Variants in SHTN1 observed in about 807,000 individuals in gnomAD.
SHTN1 encodes the protein shootin-1.
A neutral mutation model predicts 83.1 loss-of-function variants in SHTN1; 42 were observed. The observed-to-expected ratio is 0.51, with a 90% CI of 0.39 to 0.65. The LOEUF (loss-of-function observed/expected upper bound fraction) is 0.65. Among genes scored for constraint, SHTN1 ranks in the 30% least tolerant of loss-of-function variants. The pLI is 0.00. For synonymous variants in SHTN1, 224 were observed against 247.7 expected (o/e 0.90, Z 0.90); for missense variants, 622 against 737.8 (o/e 0.84, Z 1.82).
chr10:116,977,495 A>G (rs1850848025), intron 2 of SHTN1, among the ~76,000 whole-genome samples: 1 of 152,172 alleles, frequency 6.6e-6, no homozygotes, highest in South Asian at 2.1e-4. Flanking sequence ...TATCCAGCCT[A>G]AGCATTACCC....
At chr10:116,900,362 A>C (rs1847688715) in intron 16 of SHTN1, 2 of 619,836 alleles carry the variant, frequency 3.2e-6, no homozygotes, top group Admixed American at 5.6e-5. Flanking sequence ...TATGGCATCT[A>C]ACAACTGTGT....
In SHTN1 at chr10:116,945,189, C is replaced by T. The variant is rs188923464; in HGVS notation, c.617-171G>A. Among the ~76,000 whole-genome samples the T allele has an allele frequency of 7.7e-3, 1,177 of 152,202 alleles. 20 individuals carry two copies. The highest frequency in any genetic ancestry group is 7.4e-3 in the Non-Finnish European group (506 of 68,000). ...ACCTTTTTGGAGAGCAACTTGGCAA[C>T]GTGAATCAAAAATCTAAAACTATTC... On this transcript the variant is annotated intron_variant, in intron 7 of 16. Transcript: ENST00000355371.
upstream of SHTN1, among the ~76,000 whole-genome samples, chr10:117,007,130 G>C (rs1852030515): frequency 6.6e-6 from 1 of 151,956 alleles, no homozygotes; most frequent in African/African-American, 2.4e-5. Flanking sequence ...GTTGCAGATA[G>C]CTGCCATGAA....
rs374308732 is a variant in SHTN1 at position 117,055,921 on chromosome 10, T to A, written c.-188-7411A>T. Among the ~76,000 whole-genome samples the A allele has an allele frequency of 5.3e-5, 8 of 152,274 alleles. No individual in the cohort carries two copies. In the East Asian group the frequency reaches 1.5e-3, roughly 29 times the overall value. On this transcript the variant is annotated intron_variant, in intron 1 of 17. Coordinates refer to the SHTN1 transcript ENST00000392901. ...GGGTAAATTGTATGCTATGTATGTT[T>A]TACTGTAATTTTTTAAGCCAAAAGA...
At position 116,969,771 on chromosome 10, in the gene SHTN1, T is replaced by A. The variant is rs186311757; in HGVS notation, c.112-1059A>T. Among the ~76,000 whole-genome samples the A allele has an allele frequency of 1.1e-4, 17 of 152,276 alleles. No individual in the cohort carries two copies. In the East Asian group the frequency reaches 2.5e-3, roughly 22 times the overall value. The stretch of plus-strand genomic sequence containing the variant: ...CCCTGGAGGCATTAATGAATTTTTT[T>A]AAAAAACCTAATGTTTATTATTATA... On this transcript the variant is annotated intron_variant, in intron 2 of 16. Transcript: ENST00000355371.
At chr10:117,076,203 GATA>G (rs1853151512) in intron 1 of SHTN1, among the ~76,000 whole-genome samples, 4 of 134,986 alleles carry the variant, frequency 3.0e-5, no homozygotes, top group Admixed American at 7.5e-5. Context: ...AAAAAAAAAA[GATA>G]ATGTTAGATA....
chr10:116,954,776 A>G (rs553933457), intron 4 of SHTN1, among the ~76,000 whole-genome samples: 4 of 152,150 alleles, frequency 2.6e-5, no homozygotes, highest in Non-Finnish European at 5.9e-5. Flanking sequence ...GCTGGAACAG[A>G]GCAATGAGTT....
At chr10:116,953,966 G>T in intron 5 of SHTN1, 76 bp downstream of exon 5, 2 of 1,206,546 alleles carry the variant, frequency 1.7e-6, no homozygotes, top group South Asian at 1.6e-5. Context: ...ACATGATTCT[G>T]ATGTGCAGTC....
At chr10:117,044,122 T>C (rs1387250651) in intron 2 of SHTN1, among the ~76,000 whole-genome samples, 2 of 152,100 alleles carry the variant, frequency 1.3e-5, no homozygotes, top group African/African-American at 4.8e-5. Flanking sequence ...CATTCAAGTA[T>C]AGCAATAAAG....
intron 10 of SHTN1, 38 bp downstream of exon 10, chr10:116,929,811 T>C: frequency 6.8e-7 from 1 of 1,478,092 alleles, no homozygotes; most frequent in South Asian, 1.3e-5. Context: ...AATTCAAAGA[T>C]TAATAGTAAG....
At chr10:116,983,654 AGATAGATAGATAGAT>A (rs1289712976) in intron 1 of SHTN1, among the ~76,000 whole-genome samples, 2 of 79,240 alleles carry the variant, frequency 2.5e-5, no homozygotes, top group East Asian at 7.6e-4. Flanking sequence ...ATAGATAGAT[AGATAGATAGATAGAT>A]AGATAGATAG....
chr10:116,946,933 C>A (rs1302078392), intron 7 of SHTN1, among the ~76,000 whole-genome samples: 15 of 151,880 alleles, frequency 9.9e-5, no homozygotes. Flanking sequence ...GTTGGCCAGG[C>A]TGGTCTCAAA....
chr10:116,965,577 C>T (rs1330318235), intron 3 of SHTN1, among the ~76,000 whole-genome samples: 1 of 152,146 alleles, frequency 6.6e-6, no homozygotes, highest in Non-Finnish European at 1.5e-5. Flanking sequence ...AACTCAGCAC[C>T]AAAAGAAACT....
At position 117,085,918 on chromosome 10, in the gene SHTN1, A is replaced by ATTT. The variant is rs35586223; in HGVS notation, c.-188-37411_-188-37409dup. Among the ~76,000 whole-genome samples the ATTT allele has an allele frequency of 4.4e-3, 531 of 121,066 alleles. 19 individuals carry two copies. The highest frequency in any genetic ancestry group is 0.019 in the Middle Eastern group (3 of 162). The allele number at this position is 121,066 out of a possible 152,430, so 79.4% of individuals were successfully genotyped here. On this transcript the variant is annotated intron_variant, in intron 1 of 17. Transcript: ENST00000392901. ...CTTGATCTAAAGTCTGCTTTGTCTG[A>ATTT]TTTTTTTTTTTTTTTTTTTTGAGAC... is the stretch of plus-strand genomic sequence containing the variant.
At chr10:117,113,106 CAAT>C (rs1338439486) in intron 1 of SHTN1, among the ~76,000 whole-genome samples, 2 of 152,120 alleles carry the variant, frequency 1.3e-5, no homozygotes, top group Non-Finnish European at 2.9e-5. Flanking sequence ...TATCTAGAAA[CAAT>C]AATCATTTTC....
At position 116,953,623 on chromosome 10, in the gene SHTN1, G is replaced by GTTTTTTTTT. The variant is rs759706275; in HGVS notation, c.436+410_436+418dup. On this transcript the variant is annotated intron_variant, in intron 5 of 16. Coordinates refer to ENST00000355371, the MANE Select transcript of SHTN1 (RefSeq NM_001127211.3). ...GACCCAGGCATCAGTTTTGTGTTTT[G>GTTTTTTTTT]TTTTTTTTTTTTTTTTTTTTTTGAG... is the stretch of plus-strand genomic sequence containing the variant. Among the ~76,000 whole-genome samples, 677 of 92,622 alleles carry GTTTTTTTTT rather than the reference G, an allele frequency of 7.3e-3. 10 individuals are homozygous for GTTTTTTTTT. Among genetic ancestry groups the GTTTTTTTTT allele is most frequent in the Non-Finnish European group, 0.01 (535 of 51,390 alleles). 60.8% of individuals were successfully genotyped at this position (92,622 alleles called of 152,430 possible). A position where few individuals can be genotyped will look rare whatever the true frequency, so the allele number is the denominator to read the frequency against.
Position 117,123,630 on chromosome 10 carries a change from C to T in SHTN1, c.-189+2677G>A, listed in dbSNP as rs1853961706. 2.0e-5 allele frequency among the ~76,000 whole-genome samples: 3 copies of T among 152,106 alleles called. No homozygotes were observed. In the South Asian group the frequency reaches 6.2e-4, roughly 32 times the overall value. ...ACTCTTAAAAGGATTGCTGGCCAGG[C>T]ACGGTGGCTCACGCCTGTAATCCCA... On this transcript the variant is annotated intron_variant, in intron 1 of 17. Coordinates refer to the SHTN1 transcript ENST00000392901.
intron 11 of SHTN1, among the ~76,000 whole-genome samples, chr10:116,923,249 G>A (rs2133367446): frequency 6.6e-6 from 1 of 152,286 alleles, no homozygotes; most frequent in African/African-American, 2.4e-5. Flanking sequence ...TGATTACATA[G>A]ATGCTCACTT....
intron 1 of SHTN1, among the ~76,000 whole-genome samples, chr10:117,086,694 G>T (rs968860556): frequency 6.6e-6 from 1 of 152,098 alleles, no homozygotes; most frequent in African/African-American, 2.4e-5. Flanking sequence ...AAAGGTCAGC[G>T]AGTCCTCAAA....
Sources: allele counts gnomAD v4.1 joint callset (sites outside exome capture counted in the v4.1 genomes callset), GRCh38; gene constraint gnomAD v4.1.1; transcripts MANE v1.5; gene names NCBI Gene and HGNC (gene_info 2026-07-23, HGNC 2026-07-21).